Variants in BTBD7 observed in about 807,000 individuals in gnomAD.
BTBD7 encodes BTB/POZ domain-containing protein 7.
Under a neutral mutation model 99.9 loss-of-function variants are expected in BTBD7, and 38 were observed. The ratio of observed to expected loss-of-function variants is 0.38; its 90% CI spans 0.29 to 0.50. The LOEUF (loss-of-function observed/expected upper bound fraction) is 0.50. Ranked by LOEUF, BTBD7 falls within the 20% of genes least tolerant of loss-of-function variation. The pLI is 0.93. For missense variants in BTBD7, 1,170 were observed against 1,394.6 expected, an observed-to-expected ratio of 0.84 and a Z score of 2.57; for synonymous variants, 520 against 511.4, an observed-to-expected ratio of 1.02 and a Z score of -0.23.
At chr14:93,296,276 C>A (rs2052925877) in intron 1 of BTBD7, 119 bp from the exon 2 acceptor site, 3 of 659,398 alleles carry the variant, frequency 4.5e-6, no homozygotes, top group Non-Finnish European at 6.5e-6. Context: ...CTGTCAAATT[C>A]ACATGTCAAA....
intron 3 of BTBD7, among the ~76,000 whole-genome samples, chr14:93,276,892 ATTTTTTTTTTTTT>A (rs549579457): frequency 2.5e-5 from 2 of 80,370 alleles, no homozygotes; most frequent in East Asian, 4.3e-4. Flanking sequence ...ACACAGATTA[ATTTTTTTTTTTTT>A]TTTTTTTTTT....
rs1321502396 is a variant in BTBD7, at chr14:93,261,600, AC to A, written c.1447+1del. ...TAGTGCAAGCTAATTTTCGGAGCTTACCTCTATCTGCTATTCTTTTCATCAA... is the reference window on the plus strand; with the variant it reads ...TAGTGCAAGCTAATTTTCGGAGCTTACTCTATCTGCTATTCTTTTCATCAA... On this transcript the variant is annotated splice_donor_variant, in intron 5 of 10. Coordinates refer to ENST00000334746, the MANE Select transcript of BTBD7 (RefSeq NM_001002860.4). LOFTEE classifies it high-confidence loss of function. The A allele has an allele frequency of 6.2e-7, 1 of 1,609,002 alleles. No individual in the cohort carries two copies. The highest frequency in any genetic ancestry group is 8.5e-7 in the Non-Finnish European group (1 of 1,177,038).
rs918425258 is a variant in BTBD7 at position 93,296,066 on chromosome 14, C to A, written c.-15G>T. 8 of 1,612,576 alleles carry A rather than the reference C, an allele frequency of 5.0e-6. No individual in the cohort carries two copies. The highest frequency in any genetic ancestry group is 1.3e-5 in the African/African-American group (1 of 74,898). ...TTAGCACCCATTTTCTTCAGTCACT[C>A]AGGCATTCCGTCTGCGGGTTCTTCA... On this transcript the variant is annotated 5_prime_UTR_variant, in exon 2 of 11. The change creates a premature stop within an existing upstream ORF in the 5' untranslated region. Transcript: ENST00000334746.
chr14:93,249,387 G>A (rs1049233180), intron 8 of BTBD7, among the ~76,000 whole-genome samples: 2 of 151,434 alleles, frequency 1.3e-5, no homozygotes, highest in African/African-American at 2.4e-5. Context: ...GTTCAGAGCT[G>A]TAAGCAGGAA....
intron 3 of BTBD7, among the ~76,000 whole-genome samples, chr14:93,278,040 G>A (rs1025632909): frequency 1.3e-5 from 2 of 152,198 alleles, no homozygotes; most frequent in Non-Finnish European, 2.9e-5. Context: ...CCCCACTAGT[G>A]ATGAATAGTA....
At chr14:93,331,606 C>A (rs888162712) in intron 1 of BTBD7, among the ~76,000 whole-genome samples, 12 of 152,304 alleles carry the variant, frequency 7.9e-5, no homozygotes, top group African/African-American at 2.9e-4. Flanking sequence ...CCAGACCGGG[C>A]GCGGTGGCTC....
chr14:93,304,961 A>G (rs1372957659), intron 1 of BTBD7, among the ~76,000 whole-genome samples: 1 of 152,192 alleles, frequency 6.6e-6, no homozygotes, highest in Non-Finnish European at 1.5e-5. Context: ...CAGAAACTCA[A>G]AGGTTTCCTC....
At position 93,301,139 on chromosome 14, in the gene BTBD7, G is replaced by C. The variant is rs574251695; in HGVS notation, c.-106-4982C>G. Among the ~76,000 whole-genome samples the C allele has an allele frequency of 3.6e-4, 55 of 152,062 alleles. No individual in the cohort carries two copies. In the South Asian group the frequency reaches 0.011, roughly 31 times the overall value. ...GGAGACTGAGGCAGGAGGACTGCTT[G>C]AGGCCAGGAGTTAGAGACCAACCTG... On this transcript the variant is annotated intron_variant, in intron 1 of 10. Coordinates refer to ENST00000334746, the MANE Select transcript of BTBD7 (RefSeq NM_001002860.4).
chr14:93,281,036 T>C (rs1166143748), intron 3 of BTBD7, among the ~76,000 whole-genome samples: 1 of 152,112 alleles, frequency 6.6e-6, no homozygotes, highest in Admixed American at 6.6e-5. Context: ...AGGGTCTTAC[T>C]CTGTCAGCCA....
At chr14:93,262,093 AGCAGC>A (rs1391319469) in intron 4 of BTBD7, among the ~76,000 whole-genome samples, 1 of 150,776 alleles carries the variant, frequency 6.6e-6, no homozygotes, top group African/African-American at 2.4e-5. Flanking sequence ...CAGCCTCCTG[AGCAGC>A]TGGGACTACA....
rs1331592137 is a variant in BTBD7 at position 93,238,618 on chromosome 14, G to C, written c.*3655C>G. 6.6e-6 allele frequency: 1 copy of C among 152,302 alleles called. No individual in the cohort carries two copies. The highest frequency in any genetic ancestry group is 1.9e-4 in the East Asian group (1 of 5,192). The allele number at this position is 152,302 out of a possible 1,614,324, so 9.4% of individuals were successfully genotyped here. A position where few individuals can be genotyped will look rare whatever the true frequency, so the allele number is the denominator to read the frequency against. ...TGCCTTATAATTAATTTCAAAATAA[G>C]TATCTTACAAGTGTTTCATGAAACA... On this transcript the variant is annotated 3_prime_UTR_variant, in exon 11 of 11. Coordinates refer to ENST00000334746, the MANE Select transcript of BTBD7 (RefSeq NM_001002860.4).
At chr14:93,274,129 T>C (rs139943274) in intron 3 of BTBD7, among the ~76,000 whole-genome samples, 266 of 152,346 alleles carry the variant, frequency 1.7e-3, no homozygotes, top group East Asian at 3.1e-3. Flanking sequence ...TGCTGAAGTA[T>C]TGGCAAAGAA....
rs1227334354 is a variant in BTBD7, at chr14:93,257,268, A to C, written c.1535T>G (p.Ile512Ser). 2.5e-6 allele frequency: 4 copies of C among 1,613,994 alleles called. No homozygotes were observed. The highest frequency in any genetic ancestry group is 3.4e-6 in the Non-Finnish European group (4 of 1,179,868). ...RDLDMEELRE[I>S]LSSLLPFVRI... ...CACAAAAGGTAAGAGAGAAGAAAGG[A>C]TCTCTCTGAGCTCTTCCATGTCCAG... The change falls in exon 6 of 11, where the codon ATC (isoleucine) becomes AGC (serine). Residue 512 changes from isoleucine (I) to serine (S), a missense_variant. Around this residue, in one of 4 missense-constraint regions of BTBD7, gnomAD observed 309 missense variants for 342.0 expected, o/e 0.90. Transcript: ENST00000334746.
intron 1 of BTBD7, among the ~76,000 whole-genome samples, chr14:93,315,173 A>G (rs2053185317): frequency 6.6e-6 from 1 of 152,202 alleles, no homozygotes; most frequent in African/African-American, 2.4e-5. Flanking sequence ...AGTGCTTTCA[A>G]TTTGTGTTGT....
rs2139662317 is a variant in BTBD7 at position 93,238,841 on chromosome 14, T to C, written c.*3432A>G. 6.6e-6 allele frequency: 1 copy of C among 152,334 alleles called. No homozygotes were observed. The highest frequency in any genetic ancestry group is 3.4e-3 in the Middle Eastern group (1 of 294). 9.4% of individuals were successfully genotyped at this position (152,334 alleles called of 1,614,324 possible). ...GATGTACAAGGACTAAGCTCATTGC[T>C]AGAATGGCAACAACAAACCAAAACA... On this transcript the variant is annotated 3_prime_UTR_variant, in exon 11 of 11. Coordinates refer to ENST00000334746, the MANE Select transcript of BTBD7 (RefSeq NM_001002860.4).
rs771165710 is a variant in BTBD7, at chr14:93,294,135, C to A, written c.885G>T (p.Arg295Ser). The A allele has an allele frequency of 1.9e-6, 3 of 1,614,130 alleles. No individual in the cohort carries two copies. The highest frequency in any genetic ancestry group is 2.2e-5 in the East Asian group (1 of 44,886). The change falls in exon 3 of 11, where the codon AGG becomes AGT. Residue 295 changes from arginine to serine, a missense_variant. Transcript: ENST00000334746. ...CTGTGATTTCTTCACCAGTTCGTATCCTCCTTTGTAATAAATTTCGAAAAA... is the reference window on the plus strand; with the variant it reads ...CTGTGATTTCTTCACCAGTTCGTATACTCCTTTGTAATAAATTTCGAAAAA... ...SPFFRNLLQRRIRTGEEITDR... is the reference protein window; with the variant it reads ...SPFFRNLLQRSIRTGEEITDR...
chr14:93,316,545 G>C (rs1275469610), intron 1 of BTBD7, among the ~76,000 whole-genome samples: 1 of 152,062 alleles, frequency 6.6e-6, no homozygotes, highest in Non-Finnish European at 1.5e-5. Flanking sequence ...CACCATACTG[G>C]GCATAACATG....
rs560253285 is a variant in BTBD7 at position 93,269,399 on chromosome 14, C to T, written c.1163-5406G>A. On this transcript the variant is annotated intron_variant, in intron 3 of 10. Transcript: ENST00000334746. ...TGCTGAGAGGCTTTACACGGTGCCA[C>T]ATCCTTGGTAATGGACAAGTCCTGT... 8.5e-5 allele frequency among the ~76,000 whole-genome samples: 13 copies of T among 152,296 alleles called. 1 individual carries two copies. The highest frequency in any genetic ancestry group is 2.9e-4 in the African/African-American group (12 of 41,572).
At chr14:93,302,638 A>G (rs1339482785) in intron 1 of BTBD7, among the ~76,000 whole-genome samples, 1 of 152,192 alleles carries the variant, frequency 6.6e-6, no homozygotes, top group East Asian at 1.9e-4. Flanking sequence ...CGAGGTCAGG[A>G]GTTCGAGACC....
Sources: gnomAD v4.1 joint callset for allele counts (sites outside exome capture counted in the v4.1 genomes callset) on GRCh38, gnomAD v4.1.1 for gene constraint, gnomAD v4.1.1 regional missense constraint, MANE v1.5 for transcripts, NCBI Gene and HGNC (gene_info 2026-07-23, HGNC 2026-07-21) for gene names.